Variants in NEBL observed in about 807,000 individuals in gnomAD.
NEBL encodes nebulette, also known as LIM and SH3 protein 2.
NEBL carries 122 observed loss-of-function variants against 140.2 expected under a neutral mutation model. The ratio of observed to expected loss-of-function variants is 0.87; its 90% confidence interval spans 0.75 to 1.01. NEBL has a LOEUF of 1.01. NEBL is among the 50% of genes least tolerant of loss of function. The pLI is 0.00. For missense variants in NEBL, 1,365 were observed against 1,231.3 expected (o/e 1.11, Z -1.62); for synonymous variants, 436 against 398.9 (o/e 1.09, Z -1.11).
At chr10:20,897,920 C>G (rs933177071), upstream of NEBL, among the ~76,000 whole-genome samples, 1 of 152,110 alleles carries the variant, frequency 6.6e-6, no homozygotes, top group Non-Finnish European at 1.5e-5. Flanking sequence ...TAATTGTAAA[C>G]ATCATTAAAC....
chr10:20,788,859 G>A (rs1835670077), intron 26 of NEBL, among the ~76,000 whole-genome samples: 1 of 152,174 alleles, frequency 6.6e-6, no homozygotes, highest in Admixed American at 6.5e-5. Context: ...TAGCTGAGTA[G>A]GGAGGCTTTT....
intron 2 of NEBL, among the ~76,000 whole-genome samples, chr10:21,134,852 A>G (rs1839278018): frequency 6.6e-6 from 1 of 152,150 alleles, no homozygotes; most frequent in South Asian, 2.1e-4. Context: ...AAGGTACGCT[A>G]CTCTGCAATG....
intron 16 of NEBL, among the ~76,000 whole-genome samples, chr10:20,830,837 G>T (rs1320390843): frequency 6.7e-6 from 1 of 148,992 alleles, no homozygotes; most frequent in East Asian, 2.0e-4. Context: ...CCAGGAGTTT[G>T]AGGCTGCAGC....
At chr10:20,925,283 C>T (rs1833840240) in intron 4 of NEBL, among the ~76,000 whole-genome samples, 1 of 152,112 alleles carries the variant, frequency 6.6e-6, no homozygotes, top group East Asian at 1.9e-4. Context: ...ACTCATAAAT[C>T]TACTTTATTT....
chr10:20,878,751 T>C (rs780628122), intron 5 of NEBL, among the ~76,000 whole-genome samples: 1 of 152,192 alleles, frequency 6.6e-6, no homozygotes, highest in South Asian at 2.1e-4. Flanking sequence ...TTGAGTCAAG[T>C]CGGCAGAGGA....
At chr10:21,103,995 T>G (rs531941052) in intron 2 of NEBL, among the ~76,000 whole-genome samples, 1 of 152,312 alleles carries the variant, frequency 6.6e-6, no homozygotes, top group African/African-American at 2.4e-5. Flanking sequence ...AGGTTTTGTT[T>G]TGTTTTCTTT....
At chr10:20,903,184 T>C (rs373657330) in intron 4 of NEBL, among the ~76,000 whole-genome samples, 57 of 152,294 alleles carry the variant, frequency 3.7e-4, no homozygotes, top group Middle Eastern at 3.4e-3. Flanking sequence ...TGATAAAGTT[T>C]AATTTATAAA....
At chr10:21,067,788 G>C (rs576811996) in intron 2 of NEBL, among the ~76,000 whole-genome samples, 24 of 152,108 alleles carry the variant, frequency 1.6e-4, no homozygotes, top group Admixed American at 1.6e-3. Context: ...ACCAGCCTGG[G>C]CAACATAATG....
Position 21,257,802 on chromosome 10 carries a change from G to A in NEBL, n.183-5974C>T, listed in dbSNP as rs987770859. Among the ~76,000 whole-genome samples, 27 of 151,570 alleles carry A rather than the reference G, an allele frequency of 1.8e-4. 1 individual carries two copies. Among genetic ancestry groups the A allele is most frequent in the Non-Finnish European group, 8.8e-5 (6 of 67,890 alleles). ...TGGGAGGCTGAGGCAGGAGAATGGC[G>A]TGAAACCAGGAGGTGGAGCTTGCAG... On this transcript the variant is annotated intron_variant and non_coding_transcript_variant, in intron 1 of 8. Transcript: ENST00000675702.
At chr10:21,228,140 C>T (rs1842197428) in intron 3 of NEBL, among the ~76,000 whole-genome samples, 1 of 150,820 alleles carries the variant, frequency 6.6e-6, no homozygotes, top group Non-Finnish European at 1.5e-5. Flanking sequence ...GTTGTTGTTG[C>T]TATTTCTTTG....
At chr10:21,153,676 C>A (rs1840228550) in intron 2 of NEBL, among the ~76,000 whole-genome samples, 1 of 152,050 alleles carries the variant, frequency 6.6e-6, no homozygotes, top group Non-Finnish European at 1.5e-5. Flanking sequence ...CCACCACAAC[C>A]AGCTAATTTT....
chr10:20,939,501 C>T (rs922840433), intron 4 of NEBL, among the ~76,000 whole-genome samples: 35 of 152,126 alleles, frequency 2.3e-4, no homozygotes, highest in African/African-American at 5.8e-4. Flanking sequence ...TAAAGACCAT[C>T]GAGGCTAGGA....
At chr10:20,934,754 T>G (rs370081436) in intron 4 of NEBL, among the ~76,000 whole-genome samples, 81 of 152,286 alleles carry the variant, frequency 5.3e-4, no homozygotes, top group African/African-American at 1.8e-3. Flanking sequence ...AAACCTCTAT[T>G]GTACTGAGAT....
chr10:21,099,490 C>T (rs1377070341), intron 2 of NEBL, among the ~76,000 whole-genome samples: 2 of 152,136 alleles, frequency 1.3e-5, no homozygotes, highest in African/African-American at 4.8e-5. Context: ...CATCTGAAAA[C>T]ATATGTTCCC....
intron 3 of NEBL, among the ~76,000 whole-genome samples, chr10:21,236,693 G>T (rs974226072): frequency 5.3e-5 from 8 of 151,938 alleles, no homozygotes; most frequent in African/African-American, 1.5e-4. Flanking sequence ...ATTTCCCCAT[G>T]GCCTATCAAA....
intron 2 of NEBL, chr10:21,029,482 G>C (rs766780411): frequency 3.1e-5 from 50 of 1,611,420 alleles, no homozygotes; most frequent in Non-Finnish European, 3.9e-5. Flanking sequence ...AGAGTCTCTA[G>C]GTAACAGGAG....
chr10:20,833,554 G>C (rs765630065), intron 14 of NEBL, among the ~76,000 whole-genome samples: 1 of 152,022 alleles, frequency 6.6e-6, no homozygotes, highest in Admixed American at 6.6e-5. Context: ...CCAGAGCCAC[G>C]TGAATCAATT....
At chr10:21,181,347 A>G (rs1841383844) in intron 3 of NEBL, among the ~76,000 whole-genome samples, 1 of 152,038 alleles carries the variant, frequency 6.6e-6, no homozygotes, top group Admixed American at 6.6e-5. Flanking sequence ...ATAAGAAAAA[A>G]TAAACAGAGA....
intron 1 of NEBL, among the ~76,000 whole-genome samples, chr10:21,271,226 T>C (rs1040690364): frequency 1.3e-5 from 2 of 152,194 alleles, no homozygotes; most frequent in African/African-American, 4.8e-5. Flanking sequence ...TAGAGGATGT[T>C]ATGCTAAGTG....
Sources: gnomAD v4.1 joint callset for allele counts (sites outside exome capture counted in the v4.1 genomes callset) on GRCh38, gnomAD v4.1.1 for gene constraint, MANE v1.5 for transcripts, NCBI Gene and HGNC (gene_info 2026-07-23, HGNC 2026-07-21) for gene names.